Variants in DLC1 observed in about 807,000 individuals in gnomAD.
DLC1 encodes rho GTPase-activating protein 7.
A neutral mutation model predicts 140.3 loss-of-function variants in DLC1; 54 were observed. That is an observed-to-expected ratio of 0.38 (90% CI 0.31 to 0.48). DLC1 has a LOEUF of 0.48. Ranked by LOEUF, DLC1 falls within the 20% of genes least tolerant of loss-of-function variation. The pLI is 0.96. For synonymous variants in DLC1, 986 were observed against 728.1 expected (o/e 1.35, Z -5.70); for missense variants, 2,536 against 1,907.0 (o/e 1.33, Z -6.14).
At chr8:13,409,332 T>C (rs1437759300) in intron 2 of DLC1, among the ~76,000 whole-genome samples, 1 of 152,164 alleles carries the variant, frequency 6.6e-6, no homozygotes, top group Admixed American at 6.6e-5. Flanking sequence ...AGCCATACTA[T>C]GTTTTAGGAA....
At chr8:13,560,260 A>G (rs1804192042) in intron 1 of DLC1, among the ~76,000 whole-genome samples, 1 of 152,190 alleles carries the variant, frequency 6.6e-6, no homozygotes, top group Non-Finnish European at 1.5e-5. Context: ...ATCCTGAAAT[A>G]TACCAATCTG....
chr8:13,455,170 A>G (rs1324455085), intron 2 of DLC1, among the ~76,000 whole-genome samples: 3 of 152,340 alleles, frequency 2.0e-5, no homozygotes, highest in Admixed American at 6.5e-5. Context: ...TAAAGCAAAT[A>G]TTACAAATGA....
chr8:13,347,385 G>A (rs541570718), intron 4 of DLC1, among the ~76,000 whole-genome samples: 132 of 152,268 alleles, frequency 8.7e-4, no homozygotes, highest in African/African-American at 2.7e-3. Context: ...ACATATCATC[G>A]CTAGAGCTCA....
intron 4 of DLC1, among the ~76,000 whole-genome samples, chr8:13,369,657 T>C (rs1197293218): frequency 6.6e-6 from 1 of 152,054 alleles, no homozygotes; most frequent in African/African-American, 2.4e-5. Flanking sequence ...TAAAAATACA[T>C]CTAGAATAAG....
At chr8:13,233,253 C>T (rs1039892675) in intron 5 of DLC1, among the ~76,000 whole-genome samples, 2 of 127,042 alleles carry the variant, frequency 1.6e-5, no homozygotes, top group Non-Finnish European at 3.1e-5. Context: ...TGAGATCATG[C>T]CACTACACTC....
intron 4 of DLC1, among the ~76,000 whole-genome samples, chr8:13,344,221 T>C (rs1834206367): frequency 6.6e-6 from 1 of 152,172 alleles, no homozygotes; most frequent in Non-Finnish European, 1.5e-5. Context: ...AGCCTGGCCG[T>C]GGTGGTTCAT....
chr8:13,364,992 T>G (rs1393014444), intron 4 of DLC1, among the ~76,000 whole-genome samples: 1 of 152,228 alleles, frequency 6.6e-6, no homozygotes, highest in East Asian at 1.9e-4. Flanking sequence ...TGAGATTGCA[T>G]GGTAAATCTT....
chr8:13,113,630 G>A (rs1027160214), intron 6 of DLC1, among the ~76,000 whole-genome samples: 1 of 152,228 alleles, frequency 6.6e-6, no homozygotes, highest in Non-Finnish European at 1.5e-5. Context: ...CCACTTTGGT[G>A]TTACTGCCAA....
intron 2 of DLC1, among the ~76,000 whole-genome samples, chr8:13,450,030 T>C (rs892072771): frequency 5.3e-5 from 8 of 152,132 alleles, no homozygotes; most frequent in African/African-American, 1.9e-4. Flanking sequence ...GTATGCACCA[T>C]TAAAATTGCC....
chr8:13,506,572 T>TGA (rs1802078665), intron 1 of DLC1, among the ~76,000 whole-genome samples: 2 of 6,408 alleles, frequency 3.1e-4, no homozygotes, highest in Non-Finnish European at 0.014. Flanking sequence ...CACACATGTG[T>TGA]GTGTGTGTGT....
intron 5 of DLC1, among the ~76,000 whole-genome samples, chr8:13,291,466 C>A (rs1429362992): frequency 1.3e-5 from 2 of 152,050 alleles, no homozygotes; most frequent in Non-Finnish European, 2.9e-5. Context: ...AAATAAAACT[C>A]TTGAATGGGA....
At chr8:13,513,542 T>A (rs577421154) in intron 1 of DLC1, among the ~76,000 whole-genome samples, 1 of 152,126 alleles carries the variant, frequency 6.6e-6, no homozygotes, top group Non-Finnish European at 1.5e-5. Context: ...TCACTTAGTA[T>A]ATTTTGTATT....
intron 5 of DLC1, among the ~76,000 whole-genome samples, chr8:13,188,291 A>G (rs1006064120): frequency 2.0e-5 from 3 of 151,504 alleles, no homozygotes; most frequent in African/African-American, 7.3e-5. Flanking sequence ...CACATTGGCC[A>G]GGCTGGTCTC....
chr8:13,101,716 C>G (rs967619010), intron 8 of DLC1, among the ~76,000 whole-genome samples: 2 of 152,160 alleles, frequency 1.3e-5, no homozygotes, highest in Non-Finnish European at 2.9e-5. Context: ...GTTTCAACCT[C>G]AGTCATGCTC....
intron 4 of DLC1, among the ~76,000 whole-genome samples, chr8:13,391,052 A>G (rs1320447386): frequency 1.3e-5 from 2 of 152,184 alleles, no homozygotes; most frequent in African/African-American, 4.8e-5. Context: ...TTGGCCATTT[A>G]AAGAAAAGAA....
intron 5 of DLC1, among the ~76,000 whole-genome samples, chr8:13,277,883 G>A (rs1436991437): frequency 6.6e-6 from 1 of 152,078 alleles, no homozygotes; most frequent in African/African-American, 2.4e-5. Context: ...TACACACAAA[G>A]TCATTTTCAA....
At chr8:13,469,617 A>C (rs771033894) in intron 2 of DLC1, among the ~76,000 whole-genome samples, 1 of 152,222 alleles carries the variant, frequency 6.6e-6, no homozygotes, top group Non-Finnish European at 1.5e-5. Context: ...GATATGTTGT[A>C]TAATTTTTCA....
intron 5 of DLC1, among the ~76,000 whole-genome samples, chr8:13,165,998 A>G (rs73663615): frequency 0.023 from 3,569 of 152,234 alleles, 57 homozygotes; most frequent in African/African-American, 0.043. Flanking sequence ...CACCACTGGG[A>G]GCCAGAGGGA....
chr8:13,296,659 C>A (rs1831969813), intron 5 of DLC1, among the ~76,000 whole-genome samples: 1 of 152,070 alleles, frequency 6.6e-6, no homozygotes, highest in Non-Finnish European at 1.5e-5. Context: ...TGAGCACCTA[C>A]TCTGTGCAAG....
Sources: allele counts gnomAD v4.1 joint callset (sites outside exome capture counted in the v4.1 genomes callset), GRCh38; gene constraint gnomAD v4.1.1; transcripts MANE v1.5; gene names NCBI Gene and HGNC (gene_info 2026-07-23, HGNC 2026-07-21).